Variants in COMMD7 observed in about 807,000 individuals in gnomAD.
The protein encoded by COMMD7 is COMM domain-containing protein 7.
Under a neutral mutation model 34.8 loss-of-function variants are expected in COMMD7, and 28 were observed. The observed-to-expected ratio is 0.80, with a 90% CI of 0.60 to 1.10. The LOEUF (loss-of-function observed/expected upper bound fraction) is 1.10, where lower values mean the gene tolerates loss of function less well. Among genes scored for constraint, COMMD7 ranks in the 50% least tolerant of loss-of-function variants. The pLI is 0.00. For missense variants in COMMD7, 211 were observed against 241.6 expected, an observed-to-expected ratio of 0.87 and a Z score of 0.84; for synonymous variants, 80 against 86.4, an observed-to-expected ratio of 0.93 and a Z score of 0.41.
At chr20:32,732,809 G>A (rs1237696655) in intron 1 of COMMD7, among the ~76,000 whole-genome samples, 3 of 151,924 alleles carry the variant, frequency 2.0e-5, no homozygotes, top group Admixed American at 6.6e-5. Context: ...GGAAGTGGGC[G>A]CCTGTAGTCC....
intron 3 of COMMD7, among the ~76,000 whole-genome samples, chr20:32,707,849 T>C (rs1452006530): frequency 6.6e-6 from 1 of 151,782 alleles, no homozygotes; most frequent in Admixed American, 6.6e-5. Flanking sequence ...CACTATTGCA[T>C]GTGGTTATGC....
chr20:32,730,973 A>G (rs903675653), intron 1 of COMMD7, among the ~76,000 whole-genome samples: 1 of 152,180 alleles, frequency 6.6e-6, no homozygotes, highest in Non-Finnish European at 1.5e-5. Context: ...TTCTGCTATG[A>G]CACATTAAAC....
rs575331556 is a variant in COMMD7, at chr20:32,702,833, C to T, written c.*549G>A. ...ACCAGAAGTAGGGACAGAGTTTAGC[C>T]TCAGTTCTCTGCAGAGAAGACCAAG... On this transcript the variant is annotated 3_prime_UTR_variant, in exon 9 of 9. Coordinates refer to ENST00000278980, the MANE Select transcript of COMMD7 (RefSeq NM_053041.3). 6.6e-6 allele frequency: 1 copy of T among 152,372 alleles called. No individual in the cohort carries two copies. The highest frequency in any genetic ancestry group is 1.9e-4 in the East Asian group (1 of 5,186). The allele number at this position is 152,372 out of a possible 1,614,324, so 9.4% of individuals were successfully genotyped here.
At chr20:32,714,988 C>A (rs1984690465) in intron 3 of COMMD7, among the ~76,000 whole-genome samples, 1 of 151,788 alleles carries the variant, frequency 6.6e-6, no homozygotes, top group African/African-American at 2.4e-5. Context: ...CCAGCCTGGG[C>A]AACGGAGTGG....
At chr20:32,703,715 G>A (rs774683456) in intron 8 of COMMD7, 155 of 1,445,926 alleles carry the variant, frequency 1.1e-4, no homozygotes, top group Non-Finnish European at 1.3e-4. Flanking sequence ...GGTATCATTC[G>A]GGATGTTCAA....
chr20:32,739,123 ATG>A (rs1986293125), intron 1 of COMMD7, among the ~76,000 whole-genome samples: 1 of 152,166 alleles, frequency 6.6e-6, no homozygotes, highest in South Asian at 2.1e-4. Context: ...TATAATAGCT[ATG>A]TTCATTTCAC....
At chr20:32,737,990 T>G (rs1986239845) in intron 1 of COMMD7, among the ~76,000 whole-genome samples, 1 of 152,288 alleles carries the variant, frequency 6.6e-6, no homozygotes, top group South Asian at 2.1e-4. Context: ...AGCAGAATCT[T>G]TTTTTATTCT....
At position 32,721,576 on chromosome 20, in the gene COMMD7, C is replaced by T. The variant is rs903605200; in HGVS notation, c.241+6317G>A. Reference sequence around the variant, plus strand: ...CCTGGCCAACATGGCAAAACTCCATCTCTACTAAAAATAAAAAAATCAGCT... The same window carrying T: ...CCTGGCCAACATGGCAAAACTCCATTTCTACTAAAAATAAAAAAATCAGCT... On this transcript the variant is annotated intron_variant, in intron 3 of 8. Coordinates refer to ENST00000278980, the MANE Select transcript of COMMD7 (RefSeq NM_053041.3). 2.0e-5 allele frequency among the ~76,000 whole-genome samples: 3 copies of T among 150,754 alleles called. No individual in the cohort carries two copies. In the East Asian group the frequency reaches 5.9e-4, roughly 30 times the overall value.
rs1568789037 is a variant in COMMD7 at position 32,727,933 on chromosome 20, G to A, written c.201C>T (p.Ser67=). 6.2e-7 allele frequency: 1 copy of A among 1,614,006 alleles called. No individual in the cohort carries two copies. The highest frequency in any genetic ancestry group is 8.5e-7 in the Non-Finnish European group (1 of 1,180,034). ...GGAGGCTTTTCACGATGCTTCTGAG[G>A]GAGCCAAGACTGATCTGATTGGTGG... ...FATTNQISLG[S]LRSIVKSLLL... is the part of the protein sequence containing the mutation. Residue 67 remains serine, a synonymous_variant, in exon 3 of 9, where the codon TCC becomes TCT. Transcript: ENST00000278980.
chr20:32,727,470 A>G (rs1304155119), intron 3 of COMMD7, among the ~76,000 whole-genome samples: 1 of 147,416 alleles, frequency 6.8e-6, no homozygotes, highest in African/African-American at 2.5e-5. Flanking sequence ...CGGATGGCAG[A>G]GGTTACAGTG....
At position 32,727,968 on chromosome 20, in the gene COMMD7, C is replaced by G; in HGVS notation, c.166G>C (p.Glu56Gln). 1 of 1,614,112 alleles carries G rather than the reference C, an allele frequency of 6.2e-7. No individual in the cohort carries two copies. Among genetic ancestry groups the G allele is most frequent in the Non-Finnish European group, 8.5e-7 (1 of 1,180,008 alleles). ...EVERFLAQLS[E>Q]FATTNQISLG... is the part of the protein sequence containing the mutation. ...CTGATCTGATTGGTGGTGGCAAATTCAGAGAGCTGAGCCAGAAATCTTTCC... is the reference window on the plus strand; with the variant it reads ...CTGATCTGATTGGTGGTGGCAAATTGAGAGAGCTGAGCCAGAAATCTTTCC... Residue 56 changes from glutamate to glutamine, a missense_variant, in exon 3 of 9, where the codon GAA (glutamate) becomes CAA (glutamine). Physicochemically the swap from Glu to Gln is conservative, Grantham distance 29. Transcript: ENST00000278980.
chr20:32,706,562 C>T, intron 5 of COMMD7, 21 bp downstream of exon 5: 17 of 1,582,132 alleles, frequency 1.1e-5, no homozygotes, highest in Middle Eastern at 1.7e-4. Context: ...AGCCATTAAC[C>T]TTGATTAAGA....
chr20:32,738,363 C>T (rs547454190), intron 1 of COMMD7, among the ~76,000 whole-genome samples: 7 of 152,176 alleles, frequency 4.6e-5, no homozygotes, highest in African/African-American at 1.7e-4. Flanking sequence ...CCGAGGTGGG[C>T]AGGTTACAAG....
intron 1 of COMMD7, among the ~76,000 whole-genome samples, chr20:32,737,694 C>T (rs1986217052): frequency 6.6e-6 from 1 of 151,518 alleles, no homozygotes. Flanking sequence ...AAAAATTAGC[C>T]TGGTGTGGTG....
intron 3 of COMMD7, among the ~76,000 whole-genome samples, chr20:32,712,626 AG>A: frequency 6.6e-6 from 1 of 150,958 alleles, no homozygotes. Flanking sequence ...AAAAAAAAAA[AG>A]AAAATTGTGT....
At chr20:32,726,468 G>A (rs1985521461) in intron 3 of COMMD7, among the ~76,000 whole-genome samples, 1 of 152,104 alleles carries the variant, frequency 6.6e-6, no homozygotes, top group Admixed American at 6.6e-5. Context: ...TTGGGAGACT[G>A]AGGTGGGTGG....
chr20:32,710,247 T>A (rs764430400), intron 3 of COMMD7, among the ~76,000 whole-genome samples: 25 of 152,152 alleles, frequency 1.6e-4, no homozygotes, highest in Admixed American at 3.3e-4. Context: ...ATTGCATTTA[T>A]AACTACCCAA....
intron 3 of COMMD7, among the ~76,000 whole-genome samples, chr20:32,727,180 T>C (rs950670868): frequency 6.6e-6 from 1 of 151,540 alleles, no homozygotes; most frequent in African/African-American, 2.4e-5. Context: ...TGTGCTATGA[T>C]TGCACCACTG....
At chr20:32,708,902 C>T (rs915360686) in intron 3 of COMMD7, among the ~76,000 whole-genome samples, 5 of 151,866 alleles carry the variant, frequency 3.3e-5, no homozygotes, top group Admixed American at 1.3e-4. Flanking sequence ...AAACTCCTGA[C>T]CTCAAGCAAT....
Sources: gnomAD v4.1 joint callset for allele counts (sites outside exome capture counted in the v4.1 genomes callset) on GRCh38, gnomAD v4.1.1 for gene constraint, MANE v1.5 for transcripts, NCBI Gene and HGNC (gene_info 2026-07-23, HGNC 2026-07-21) for gene names.